The following SNX25 variants were observed in gnomAD, a reference collection of about 807,000 sequenced individuals.
SNX25 encodes the protein sorting nexin 25, also known as sorting nexin-25.
SNX25 carries 62 observed loss-of-function variants against 113.7 expected under a neutral mutation model. That is an observed-to-expected ratio of 0.55 (90% confidence interval 0.44 to 0.67). SNX25 has a LOEUF of 0.67. Ranked by LOEUF, SNX25 falls within the 30% of genes least tolerant of loss-of-function variation. SNX25 has a pLI of 0.00. For synonymous variants in SNX25, 421 were observed against 436.2 expected, an observed-to-expected ratio of 0.97 and a Z score of 0.43; for missense variants, 1,014 against 1,161.0, an observed-to-expected ratio of 0.87 and a Z score of 1.84.
At chr4:185,372,954 T>C (rs766872196), downstream of SNX25, 5 of 1,614,044 alleles carry the variant, frequency 3.1e-6, no homozygotes, top group East Asian at 1.1e-4. Flanking sequence ...CTGCTGCTTC[T>C]CTTAAGCACT....
intron 5 of SNX25, among the ~76,000 whole-genome samples, chr4:185,270,995 G>A (rs1012151188): frequency 1.3e-5 from 2 of 152,190 alleles, no homozygotes; most frequent in African/African-American, 4.8e-5. Flanking sequence ...CTTCAGTGAC[G>A]TTGTCAGTGA....
intron 16 of SNX25, among the ~76,000 whole-genome samples, chr4:185,360,765 A>G (rs1403440682): frequency 6.6e-6 from 1 of 151,922 alleles, no homozygotes; most frequent in Admixed American, 6.6e-5. Flanking sequence ...TAAAAATACA[A>G]AAAATTAGCT....
chr4:185,336,505 C>A (rs2095230746), intron 10 of SNX25, among the ~76,000 whole-genome samples: 1 of 152,162 alleles, frequency 6.6e-6, no homozygotes, highest in South Asian at 2.1e-4. Context: ...TTATTTCATT[C>A]CTTTTTATGG....
intron 15 of SNX25, among the ~76,000 whole-genome samples, chr4:185,354,844 G>A (rs550998420): frequency 9.0e-4 from 137 of 152,286 alleles, no homozygotes; most frequent in African/African-American, 3.0e-3. Flanking sequence ...AGATATGGCA[G>A]GTGCCCACGG....
At chr4:185,207,210 CTTTTTTTTTTTT>C (rs34373262), upstream of SNX25, among the ~76,000 whole-genome samples, 288 of 76,860 alleles carry the variant, frequency 3.7e-3, no homozygotes, top group African/African-American at 0.014. Context: ...ACCAGTCACA[CTTTTTTTTTTTT>C]TTTTTTTTTT....
chr4:185,298,832 C>G (rs931693141), intron 6 of SNX25, among the ~76,000 whole-genome samples: 14 of 152,174 alleles, frequency 9.2e-5, no homozygotes, highest in Non-Finnish European at 1.6e-4. Context: ...TCACAGCCCT[C>G]CCTCCCTGGA....
chr4:185,364,357 G>A (rs1217701755), downstream of SNX25: 4 of 152,188 alleles, frequency 2.6e-5, no homozygotes, highest in Non-Finnish European at 5.9e-5. Context: ...ATTGATAGTG[G>A]GGCCATGCAC....
At chr4:185,253,316 G>GTCTGCCA (rs1195385659) in intron 2 of SNX25, among the ~76,000 whole-genome samples, 1 of 152,054 alleles carries the variant, frequency 6.6e-6, no homozygotes, top group African/African-American at 2.4e-5. Flanking sequence ...AAAAGACCCT[G>GTCTGCCA]TCTGCCACAC....
intron 1 of SNX25, among the ~76,000 whole-genome samples, chr4:185,220,172 G>A (rs552549949): frequency 6.6e-6 from 1 of 152,128 alleles, no homozygotes. Context: ...TTATTCAACT[G>A]CTTAACTTGA....
chr4:185,292,613 G>T (rs1752339705), intron 6 of SNX25, among the ~76,000 whole-genome samples: 1 of 152,090 alleles, frequency 6.6e-6, no homozygotes, highest in Non-Finnish European at 1.5e-5. Context: ...ATGTTGGCCA[G>T]GCTGGTCTTG....
chr4:185,345,492 G>A (rs1016290400), intron 12 of SNX25, among the ~76,000 whole-genome samples: 1 of 152,130 alleles, frequency 6.6e-6, no homozygotes, highest in African/African-American at 2.4e-5. Context: ...TCTACAGTTT[G>A]CCACTGAGAG....
In SNX25 at chr4:185,334,768, A is replaced by G. The variant is rs2095218545; in HGVS notation, c.1914+2009A>G. Among the ~76,000 whole-genome samples, 4 of 152,208 alleles carry G rather than the reference A, an allele frequency of 2.6e-5. No homozygotes were observed. Among genetic ancestry groups the G allele is most frequent in the African/African-American group, 9.6e-5 (4 of 41,454 alleles). ...CATGGAATAAACATTCTTAGCTACA[A>G]TTATATGAAAGAATTCTCAAGAAAC... On this transcript the variant is annotated intron_variant, in intron 10 of 18. Transcript: ENST00000652585. This position sits in a 1 kb window ranked among gnomAD's most constrained non-coding sequence, Gnocchi z 4.2.
downstream of SNX25, chr4:185,372,949 G>A: frequency 1.9e-6 from 3 of 1,613,968 alleles, no homozygotes; most frequent in Non-Finnish European, 2.5e-6. Context: ...GCGTTCTGCT[G>A]CTTCTCTTAA....
intron 6 of SNX25, chr4:185,296,142 T>G (rs1341686755): frequency 6.6e-6 from 1 of 152,170 alleles, no homozygotes; most frequent in Non-Finnish European, 1.5e-5. Context: ...TAGCTAGTTC[T>G]CTCCAGCCCT....
chr4:185,372,306 A>C (rs2095418700), downstream of SNX25, among the ~76,000 whole-genome samples: 1 of 152,244 alleles, frequency 6.6e-6, no homozygotes, highest in Non-Finnish European at 1.5e-5. Flanking sequence ...TTCAGCTAGT[A>C]GCACTGAAAT....
At chr4:185,362,568 C>T (rs1030762234) in intron 17 of SNX25, 43 bp from the exon 18 acceptor site, 37 of 1,561,024 alleles carry the variant, frequency 2.4e-5, no homozygotes, top group Non-Finnish European at 3.1e-5. Flanking sequence ...ATGCACTGAG[C>T]ACTTTATCAA....
chr4:185,304,485 G>T (rs1341874597), intron 6 of SNX25, among the ~76,000 whole-genome samples: 1 of 152,186 alleles, frequency 6.6e-6, no homozygotes, highest in Non-Finnish European at 1.5e-5. Flanking sequence ...AGCCTCTCGA[G>T]TAGCTGGGAT....
intron 1 of SNX25, among the ~76,000 whole-genome samples, chr4:185,224,376 T>G (rs1257522510): frequency 6.9e-6 from 1 of 144,200 alleles, no homozygotes; most frequent in Non-Finnish European, 1.5e-5. Flanking sequence ...TAAAAATATA[T>G]AGATATAAAT....
chr4:185,281,930 C>T (rs1209420453), intron 5 of SNX25, among the ~76,000 whole-genome samples: 2 of 152,036 alleles, frequency 1.3e-5, no homozygotes, highest in African/African-American at 2.4e-5. Context: ...ACATGAGAAT[C>T]GCTTGAACCT....
Sources: gnomAD v4.1 joint callset for allele counts (sites outside exome capture counted in the v4.1 genomes callset) on GRCh38, gnomAD v4.1.1 for gene constraint, Gnocchi (gnomAD v3.1) non-coding constraint, MANE v1.5 for transcripts, NCBI Gene and HGNC (gene_info 2026-07-23, HGNC 2026-07-21) for gene names.